Variants in STARD9 observed in about 807,000 individuals in gnomAD.
STARD9 encodes the protein stAR-related lipid transfer protein 9.
In STARD9, 346 loss-of-function variants were observed where a neutral mutation model predicts 399.8. The observed-to-expected ratio is 0.87, with a 90% confidence interval of 0.79 to 0.95. STARD9 has a LOEUF of 0.95. STARD9 is among the 40% of genes least tolerant of loss of function. The pLI, the probability that STARD9 is intolerant of heterozygous loss-of-function variation, is 0.00. For synonymous variants in STARD9, 2,203 were observed against 2,143.5 expected, an observed-to-expected ratio of 1.03 and a Z score of -0.77; for missense variants, 5,832 against 5,667.5, an observed-to-expected ratio of 1.03 and a Z score of -0.93.
intron 30 of STARD9, 104 bp from the exon 31 acceptor site, chr15:42,718,331 G>T (rs551547542): frequency 8.1e-7 from 1 of 1,227,788 alleles, no homozygotes; most frequent in Non-Finnish European, 1.2e-6. Context: ...GTTGAGCTAG[G>T]TGTCAAGTGA....
chr15:42,662,959 G>A (rs763193136), intron 11 of STARD9, 68 bp downstream of exon 11: 16 of 1,182,188 alleles, frequency 1.4e-5, no homozygotes, highest in South Asian at 6.6e-5. Flanking sequence ...TCATTTTGTC[G>A]CAATAGGGTA....
chr15:42,683,842 C>T (rs183757978), intron 22 of STARD9, among the ~76,000 whole-genome samples: 1 of 151,826 alleles, frequency 6.6e-6, no homozygotes. Flanking sequence ...TCCTCTATTC[C>T]TCATATTGCC....
At position 42,692,661 on chromosome 15, in the gene STARD9, C is replaced by G. The variant is rs1466247477; in HGVS notation, c.11083C>G (p.Leu3695Val). The G allele has an allele frequency of 6.5e-7, 1 of 1,537,228 alleles. No individual in the cohort carries two copies. The highest frequency in any genetic ancestry group is 2.4e-5 in the East Asian group (1 of 40,912). The stretch of plus-strand genomic sequence containing the variant: ...GCTCCTGCACAGTACCTCAGAGCTG[C>G]TTGGGAGTCTCTCCCAGCCAGATGT... ...SQLLHSTSEL[L>V]GSLSQPDVAR... The change falls in exon 23 of 33, where the codon CTT becomes GTT. Residue 3695 changes from leucine to valine, a missense_variant. Transcript: ENST00000290607.
At chr15:42,596,831 G>C (rs2058515267) in intron 3 of STARD9, among the ~76,000 whole-genome samples, 1 of 152,198 alleles carries the variant, frequency 6.6e-6, no homozygotes, top group Non-Finnish European at 1.5e-5. Flanking sequence ...GGCAATGTAA[G>C]ATAATTGCAA....
intron 3 of STARD9, among the ~76,000 whole-genome samples, chr15:42,616,845 C>G (rs1357369891): frequency 6.8e-6 from 1 of 147,724 alleles, no homozygotes; most frequent in South Asian, 2.2e-4. Context: ...GAGCTGAGAT[C>G]GCGTCACTGC....
intron 2 of STARD9, among the ~76,000 whole-genome samples, chr15:42,583,815 A>T (rs1038369369): frequency 3.3e-5 from 5 of 152,238 alleles, no homozygotes; most frequent in Admixed American, 6.5e-5. Context: ...TAGAGACATT[A>T]TTAGGCATTG....
chr15:42,692,715 G>C lies in STARD9; in HGVS notation c.11137G>C (p.Asp3713His). ...CAGAAGGGAGCAGAACACCAAGAGG[G>C]ACATCCCAGATAAAGCCCCACAGGC... is the stretch of plus-strand genomic sequence containing the variant. ...VARREQNTKR[D>H]IPDKAPQALM... is the part of the protein sequence containing the mutation. The change falls in exon 23 of 33, where the codon GAC becomes CAC. Residue 3713 changes from aspartate to histidine, a missense_variant. This residue lies in a region of STARD9 where 5,828 missense variants were observed against 5,651.1 expected (regional missense o/e 1.03). Coordinates refer to ENST00000290607, the MANE Select transcript of STARD9 (RefSeq NM_020759.3). 1 of 1,537,070 alleles carries C rather than the reference G, an allele frequency of 6.5e-7. No individual in the cohort carries two copies. The highest frequency in any genetic ancestry group is 8.7e-7 in the Non-Finnish European group (1 of 1,146,878).
At chr15:42,633,232 C>A (rs2059364081) in intron 3 of STARD9, among the ~76,000 whole-genome samples, 1 of 151,650 alleles carries the variant, frequency 6.6e-6, no homozygotes, top group African/African-American at 2.4e-5. Context: ...TTAATCTTCA[C>A]AACAAACCTG....
chr15:42,696,551 G>T (rs2060851190), intron 26 of STARD9, among the ~76,000 whole-genome samples: 1 of 152,178 alleles, frequency 6.6e-6, no homozygotes, highest in Admixed American at 6.5e-5. Flanking sequence ...AAGTGAAAAG[G>T]CTGCTGAAAG....
chr15:42,589,607 CTT>C (rs754803358), intron 3 of STARD9, among the ~76,000 whole-genome samples: 53 of 139,992 alleles, frequency 3.8e-4, no homozygotes, highest in Non-Finnish European at 3.6e-4. Context: ...TGAGATTCAT[CTT>C]TTTTTTTTTT....
Position 42,693,574 on chromosome 15 carries a change from AC to A in STARD9, c.11999del (p.Pro4000LeufsTer21). On this transcript the variant is annotated frameshift_variant, in exon 23 of 33. Transcript: ENST00000290607. LOFTEE classifies it high-confidence loss of function. ...PKLQFSFLGQ[H>X]PQQLQPRTTI... ...CTCCAATTTAGTTTCTTAGGGCAGC[AC>A]CCTCAGCAGCTTCAGCCCAGGACAA... 6.5e-7 allele frequency: 1 copy of A among 1,537,232 alleles called. No individual in the cohort carries two copies. The highest frequency in any genetic ancestry group is 8.7e-7 in the Non-Finnish European group (1 of 1,146,892).
In STARD9 at chr15:42,688,216, A is replaced by G; in HGVS notation, c.6638A>G (p.Gln2213Arg). The G allele has an allele frequency of 6.5e-7, 1 of 1,537,504 alleles. No individual in the cohort carries two copies. The highest frequency in any genetic ancestry group is 1.7e-4 in the Middle Eastern group (1 of 5,992). Residue 2213 changes from glutamine (Q) to arginine (R), a missense_variant, in exon 23 of 33, where the codon CAA (glutamine) becomes CGA (arginine). Gln to Arg is a conservative substitution (Grantham distance 43). Coordinates refer to ENST00000290607, the MANE Select transcript of STARD9 (RefSeq NM_020759.3). ...MKALARALPL[Q>R]PRLERSSKNN... ...GCATTGGCTAGAGCTCTGCCATTGC[A>G]ACCCAGGCTAGAGAGGTCTTCTAAG...
At chr15:42,668,376 A>AT (rs5812230) in intron 15 of STARD9, among the ~76,000 whole-genome samples, 6,569 of 143,356 alleles carry the variant, frequency 0.046, 359 homozygotes, top group African/African-American at 0.13. Flanking sequence ...GCTAAATCTA[A>AT]TTTTTTTTTT....
chr15:42,683,033 T>G (rs2140214471), intron 22 of STARD9, among the ~76,000 whole-genome samples: 1 of 152,342 alleles, frequency 6.6e-6, no homozygotes, highest in Middle Eastern at 3.4e-3. Context: ...GAGCTATCTT[T>G]TTGACTCCCA....
rs1265019241 is a variant in STARD9, at chr15:42,686,769, C to T, written c.5191C>T (p.Pro1731Ser). The change falls in exon 23 of 33, where the codon CCC becomes TCC. Residue 1731 changes from proline to serine, a missense_variant. Physicochemically the swap from Pro to Ser is moderately conservative, Grantham distance 74. This residue lies in a region of STARD9 where 5,828 missense variants were observed against 5,651.1 expected (regional missense o/e 1.03). Coordinates refer to ENST00000290607, the MANE Select transcript of STARD9 (RefSeq NM_020759.3). ...TCCAGAGCTATACCTTCACTCTGCT[C>T]CCTGGAATCCATTGTCATCTTCCCT... ...SGPELYLHSA[P>S]WNPLSSSLQP... 4 of 1,537,416 alleles carry T rather than the reference C, an allele frequency of 2.6e-6. No individual in the cohort carries two copies. The highest frequency in any genetic ancestry group is 2.4e-5 in the East Asian group (1 of 40,922).
At chr15:42,715,327 G>A (rs2061330055) in intron 26 of STARD9, among the ~76,000 whole-genome samples, 2 of 152,178 alleles carry the variant, frequency 1.3e-5, no homozygotes, top group South Asian at 4.1e-4. Flanking sequence ...ATGGCAAACA[G>A]CGAGACTGGT....
At chr15:42,657,469 C>T (rs934157530) in intron 9 of STARD9, among the ~76,000 whole-genome samples, 1 of 151,786 alleles carries the variant, frequency 6.6e-6, no homozygotes, top group Non-Finnish European at 1.5e-5. Flanking sequence ...AATGTATGCA[C>T]CCTGAACAAC....
At chr15:42,681,751 A>G (rs1201792229) in intron 21 of STARD9, 139 bp downstream of exon 21, 1 of 780,252 alleles carries the variant, frequency 1.3e-6, no homozygotes, top group African/African-American at 1.8e-5. Flanking sequence ...CTTTTCTTTT[A>G]GACACCAGAG....
intron 26 of STARD9, among the ~76,000 whole-genome samples, chr15:42,713,747 G>A (rs909317776): frequency 1.3e-5 from 2 of 152,032 alleles, no homozygotes; most frequent in African/African-American, 4.8e-5. Context: ...CTACTTGCTC[G>A]TGATATATGA....
Sources: gnomAD v4.1 joint callset for allele counts (sites outside exome capture counted in the v4.1 genomes callset) on GRCh38, gnomAD v4.1.1 for gene constraint, gnomAD v4.1.1 regional missense constraint, MANE v1.5 for transcripts, NCBI Gene and HGNC (gene_info 2026-07-23, HGNC 2026-07-21) for gene names.